The following MAP3K21 variants were observed in gnomAD, a reference collection of about 807,000 sequenced individuals.
MAP3K21 encodes mitogen-activated protein kinase kinase kinase 21, also known as mitogen-activated protein kinase kinase kinase MLK4.
MAP3K21 carries 63 observed loss-of-function variants against 86.1 expected under a neutral mutation model. The ratio of observed to expected loss-of-function variants is 0.73; its 90% confidence interval spans 0.60 to 0.90. The LOEUF (loss-of-function observed/expected upper bound fraction) is 0.90, where lower values mean the gene tolerates loss of function less well. MAP3K21 is among the 40% of genes least tolerant of loss of function. The probability of loss-of-function intolerance (pLI) is 0.00; values close to 1 mark genes in which losing one functional copy is unlikely to be tolerated. For synonymous variants in MAP3K21, 558 were observed against 564.8 expected, an observed-to-expected ratio of 0.99 and a Z score of 0.17; for missense variants, 1,220 against 1,367.7, an observed-to-expected ratio of 0.89 and a Z score of 1.70.
At chr1:233,333,564 C>T (rs918748056) in intron 1 of MAP3K21, among the ~76,000 whole-genome samples, 12 of 150,264 alleles carry the variant, frequency 8.0e-5, no homozygotes, top group South Asian at 2.1e-4. Flanking sequence ...GCTTGGGGAA[C>T]ATGGTGAGAC....
intron 5 of MAP3K21, among the ~76,000 whole-genome samples, chr1:233,371,704 C>T (rs573576452): frequency 1.3e-5 from 2 of 151,442 alleles, no homozygotes; most frequent in Admixed American, 6.6e-5. Flanking sequence ...CTCTTTTTTC[C>T]CAGGTTATAA....
At position 233,362,766 on chromosome 1, in the gene MAP3K21, C is replaced by G. The variant is rs73094927; in HGVS notation, c.1552+473C>G. 5.9e-3 allele frequency among the ~76,000 whole-genome samples: 890 copies of G among 152,050 alleles called. 11 individuals are homozygous for G. Among genetic ancestry groups the G allele is most frequent in the African/African-American group, 0.021 (861 of 41,458 alleles). On this transcript the variant is annotated intron_variant, in intron 5 of 9. Coordinates refer to ENST00000366624, the MANE Select transcript of MAP3K21 (RefSeq NM_032435.3). ...CTTTCAATAAAATATATCAAGTACC[C>G]TGAGGTACTTTCCCATGAAGGTTTA...
At chr1:233,354,539 T>C (rs1235147858) in intron 3 of MAP3K21, among the ~76,000 whole-genome samples, 1 of 152,186 alleles carries the variant, frequency 6.6e-6, no homozygotes, top group East Asian at 1.9e-4. Flanking sequence ...AAACATGGTA[T>C]CCATAGTAAA....
intron 6 of MAP3K21, chr1:233,373,484 A>C (rs1212309050): frequency 6.6e-6 from 1 of 152,306 alleles, no homozygotes; most frequent in Non-Finnish European, 1.5e-5. Flanking sequence ...CAAAGTTGAA[A>C]TGCAGCCAGC....
intron 1 of MAP3K21, among the ~76,000 whole-genome samples, chr1:233,339,920 T>C (rs1473359402): frequency 1.3e-5 from 2 of 152,170 alleles, no homozygotes; most frequent in Non-Finnish European, 2.9e-5. Flanking sequence ...TATTCATTCT[T>C]CCCTAAGAGT....
rs1662759447 is a variant in MAP3K21 at position 233,328,800 on chromosome 1, C to A, written c.772C>A (p.Pro258Thr). The A allele has an allele frequency of 6.5e-7, 1 of 1,542,650 alleles. No homozygotes were observed. The highest frequency in any genetic ancestry group is 8.7e-7 in the Non-Finnish European group (1 of 1,143,626). ...MLYLHEEAFV[P>T]ILHRDLKSSN... is the part of the protein sequence containing the mutation. ...CTACCTGCATGAGGAGGCCTTCGTG[C>A]CCATCCTGCACCGGGACCTCAAGTC... Residue 258 changes from proline (P) to threonine (T), a missense_variant, in exon 1 of 10, where the codon CCC (proline) becomes ACC (threonine). Transcript: ENST00000366624. The surrounding 1 kb of genome is among the most constrained non-coding windows in gnomAD (Gnocchi z 8.7).
chr1:233,334,244 A>G (rs186805555), intron 1 of MAP3K21, among the ~76,000 whole-genome samples: 38 of 148,922 alleles, frequency 2.6e-4, no homozygotes, highest in Non-Finnish European at 8.9e-5. Context: ...TCAAGCCATC[A>G]TCTTTCCTCC....
intron 5 of MAP3K21, among the ~76,000 whole-genome samples, chr1:233,363,790 T>G (rs529819220): frequency 6.7e-6 from 1 of 150,120 alleles, no homozygotes; most frequent in East Asian, 2.0e-4. Context: ...ACGGGTTGCC[T>G]GAGATCTGGA....
At chr1:233,344,066 T>G (rs1533776) in intron 1 of MAP3K21, among the ~76,000 whole-genome samples, 64,458 of 151,940 alleles carry the variant, frequency 0.42, 14,809 homozygotes, top group African/African-American at 0.57. Flanking sequence ...TGAAGGTGCT[T>G]GGAAGGGCCA....
At chr1:233,342,121 G>A (rs1663048804) in intron 1 of MAP3K21, among the ~76,000 whole-genome samples, 1 of 152,104 alleles carries the variant, frequency 6.6e-6, no homozygotes, top group Non-Finnish European at 1.5e-5. Context: ...TATTCATAGG[G>A]AATAAGGACT....
rs1413972373 is a variant in MAP3K21, at chr1:233,364,399, G to C, written c.1552+2106G>C. The stretch of plus-strand genomic sequence containing the variant: ...GTCAGTTTTCTTCTAGCTGTGATTT[G>C]ATTGTGTTATCCAAATTAATATTTA... On this transcript the variant is annotated intron_variant, in intron 5 of 9. Coordinates refer to ENST00000366624, the MANE Select transcript of MAP3K21 (RefSeq NM_032435.3). Among the ~76,000 whole-genome samples the C allele has an allele frequency of 2.0e-5, 3 of 152,262 alleles. No individual in the cohort carries two copies. In the East Asian group the frequency reaches 5.8e-4, roughly 29 times the overall value.
intron 1 of MAP3K21, among the ~76,000 whole-genome samples, chr1:233,339,103 T>C (rs960949257): frequency 3.3e-5 from 5 of 152,086 alleles, no homozygotes; most frequent in Non-Finnish European, 7.4e-5. Context: ...GTGAAGAAAG[T>C]ATTTCAGGGA....
chr1:233,368,203 G>A (rs1294252), intron 5 of MAP3K21, among the ~76,000 whole-genome samples: 13,250 of 152,230 alleles, frequency 0.087, 661 homozygotes, highest in Middle Eastern at 0.15. Flanking sequence ...ACAATCAGGT[G>A]GCTAGCTGAA....
intron 9 of MAP3K21, among the ~76,000 whole-genome samples, chr1:233,381,401 A>G (rs1249137763): frequency 6.6e-6 from 1 of 152,238 alleles, no homozygotes; most frequent in East Asian, 1.9e-4. Context: ...GTATGTGAAC[A>G]TAATTGCAAT....
chr1:233,369,029 G>T (rs1663634461), intron 5 of MAP3K21, among the ~76,000 whole-genome samples: 1 of 152,122 alleles, frequency 6.6e-6, no homozygotes, highest in Non-Finnish European at 1.5e-5. Context: ...TATATTGAGG[G>T]AGGGGGCAGA....
chr1:233,343,934 A>G (rs534110477), intron 1 of MAP3K21, among the ~76,000 whole-genome samples: 7 of 152,252 alleles, frequency 4.6e-5, no homozygotes, highest in African/African-American at 1.7e-4. Flanking sequence ...TCCTCTTTCT[A>G]TAGAAGGGAT....
intron 1 of MAP3K21, among the ~76,000 whole-genome samples, chr1:233,342,728 G>C (rs995531183): frequency 6.6e-6 from 1 of 152,148 alleles, no homozygotes; most frequent in African/African-American, 2.4e-5. Flanking sequence ...GGACAGTATA[G>C]ATGGATAGGA....
intron 1 of MAP3K21, among the ~76,000 whole-genome samples, chr1:233,339,256 T>G (rs369973533): frequency 2.2e-5 from 1 of 46,064 alleles, no homozygotes; most frequent in Non-Finnish European, 4.3e-5. Context: ...CTTCTTCTTC[T>G]TCTTCTTCTT....
At chr1:233,342,037 T>C (rs1663047324) in intron 1 of MAP3K21, among the ~76,000 whole-genome samples, 1 of 152,240 alleles carries the variant, frequency 6.6e-6, no homozygotes, top group Non-Finnish European at 1.5e-5. Context: ...TTCAGCTTTC[T>C]GTGGTTTCAG....
Sources: gnomAD v4.1 joint callset for allele counts (sites outside exome capture counted in the v4.1 genomes callset) on GRCh38, gnomAD v4.1.1 for gene constraint, Gnocchi (gnomAD v3.1) non-coding constraint, MANE v1.5 for transcripts, NCBI Gene and HGNC (gene_info 2026-07-23, HGNC 2026-07-21) for gene names.